DGLUCY: variants seen among roughly 807,000 people sequenced by gnomAD.
DGLUCY encodes the protein D-glutamate cyclase.
A neutral mutation model predicts 58.5 loss-of-function variants in DGLUCY; 58 were observed. The observed-to-expected ratio is 0.99, with a 90% CI of 0.80 to 1.23. The LOEUF (loss-of-function observed/expected upper bound fraction) is 1.23, where lower values mean the gene tolerates loss of function less well. Among genes scored for constraint, DGLUCY ranks in the 50% most tolerant of loss-of-function variants. The pLI is 0.00. For missense variants in DGLUCY, 779 were observed against 784.7 expected (o/e 0.99, Z 0.09); for synonymous variants, 325 against 314.1 (o/e 1.03, Z -0.37).
At chr14:91,061,150 A>C (rs578210488) in intron 1 of DGLUCY, among the ~76,000 whole-genome samples, 1 of 152,298 alleles carries the variant, frequency 6.6e-6, no homozygotes, top group Non-Finnish European at 1.5e-5. Flanking sequence ...ACGTGTTTGC[A>C]GACAAACCTA....
chr14:91,120,241 T>C (rs183975506), intron 1 of DGLUCY, among the ~76,000 whole-genome samples: 2 of 152,278 alleles, frequency 1.3e-5, no homozygotes, highest in Admixed American at 6.5e-5. Flanking sequence ...CTTCTGGTGC[T>C]GAATGTCCAC....
chr14:91,093,769 C>T (rs1275016160), intron 1 of DGLUCY, among the ~76,000 whole-genome samples: 1 of 151,658 alleles, frequency 6.6e-6, no homozygotes, highest in Non-Finnish European at 1.5e-5. Flanking sequence ...GGAGCCACTG[C>T]ACTCTAGCCT....
rs748707396 is a variant in DGLUCY at position 91,181,264 on chromosome 14, G to A, written c.809G>A (p.Cys270Tyr). 6.2e-7 allele frequency: 1 copy of A among 1,614,160 alleles called. No homozygotes were observed. Among genetic ancestry groups the A allele is most frequent in the East Asian group, 2.2e-5 (1 of 44,886 alleles). ...DLKDAKAPPG[C>Y]LTPERIPEVH... ...AAGGATGCAAAGGCTCCACCTGGTT[G>A]TCTCACCCCAGAGAGAATTCCAGAG... Residue 270 changes from cysteine (C) to tyrosine (Y), a missense_variant, in exon 8 of 14, where the codon TGT becomes TAT. Physicochemically the swap from Cys to Tyr is radical, Grantham distance 194. Coordinates refer to ENST00000256324, the MANE Select transcript of DGLUCY (RefSeq NM_001102368.3).
At chr14:91,193,052 G>A (rs2049995703) in intron 9 of DGLUCY, among the ~76,000 whole-genome samples, 1 of 152,116 alleles carries the variant, frequency 6.6e-6, no homozygotes, top group South Asian at 2.1e-4. Flanking sequence ...GAGCACTGTG[G>A]AAATAAATGG....
chr14:91,165,108 C>G, intron 3 of DGLUCY: 1 of 362,622 alleles, frequency 2.8e-6, no homozygotes, highest in Non-Finnish European at 5.5e-6. Flanking sequence ...CTTTCACTCA[C>G]TGACTTTATA....
At chr14:91,061,480 T>C (rs986461590) in intron 1 of DGLUCY, among the ~76,000 whole-genome samples, 7 of 152,198 alleles carry the variant, frequency 4.6e-5, no homozygotes, top group African/African-American at 1.7e-4. Flanking sequence ...ACAAAAGAAC[T>C]ATAAAGCAGA....
At chr14:91,061,495 G>C (rs1200215971) in intron 1 of DGLUCY, among the ~76,000 whole-genome samples, 1 of 152,208 alleles carries the variant, frequency 6.6e-6, no homozygotes, top group East Asian at 1.9e-4. Context: ...AGCAGAATTT[G>C]AAATAAAGCA....
chr14:91,196,578 C>T (rs1020153957), intron 10 of DGLUCY, 104 bp downstream of exon 10: 12 of 924,212 alleles, frequency 1.3e-5, no homozygotes, highest in African/African-American at 5.0e-5. Flanking sequence ...TCAGAGGGAG[C>T]GAAGCCATGA....
At chr14:91,074,457 G>C (rs1367274223) in intron 1 of DGLUCY, among the ~76,000 whole-genome samples, 1 of 151,446 alleles carries the variant, frequency 6.6e-6, no homozygotes, top group Non-Finnish European at 1.5e-5. Context: ...CTCTAGCCTG[G>C]GTGACAGAGT....
At chr14:91,181,568 C>T (rs2049168156) in intron 8 of DGLUCY, among the ~76,000 whole-genome samples, 179 bp downstream of exon 8, 1 of 152,200 alleles carries the variant, frequency 6.6e-6, no homozygotes, top group South Asian at 2.1e-4. Flanking sequence ...CACCAAAATA[C>T]TGACATTGAT....
chr14:91,115,199 G>A (rs564071230), intron 1 of DGLUCY: 2 of 152,644 alleles, frequency 1.3e-5, no homozygotes, highest in African/African-American at 4.8e-5. Context: ...CGCAGGGGAC[G>A]AGAGCTGCTT....
intron 3 of DGLUCY, among the ~76,000 whole-genome samples, chr14:91,164,018 C>T (rs1414779110): frequency 2.0e-5 from 3 of 152,084 alleles, no homozygotes; most frequent in Admixed American, 1.3e-4. Context: ...GGCGCGATCT[C>T]GGCTCACTGC....
At chr14:91,120,237 G>A (rs1402739981) in intron 1 of DGLUCY, among the ~76,000 whole-genome samples, 1 of 152,020 alleles carries the variant, frequency 6.6e-6, no homozygotes, top group Non-Finnish European at 1.5e-5. Context: ...CTGACTTCTG[G>A]TGCTGAATGT....
At chr14:91,149,284 A>T (rs1039135356) in intron 1 of DGLUCY, among the ~76,000 whole-genome samples, 3 of 152,026 alleles carry the variant, frequency 2.0e-5, no homozygotes, top group African/African-American at 7.2e-5. Context: ...AAAGAAAGAA[A>T]CTGAGGCCCA....
At chr14:91,174,673 A>C (rs1261597947) in intron 6 of DGLUCY, among the ~76,000 whole-genome samples, 1 of 152,228 alleles carries the variant, frequency 6.6e-6, no homozygotes, top group Non-Finnish European at 1.5e-5. Flanking sequence ...GAGCTGCTCC[A>C]GGAAATTAAT....
At chr14:91,102,413 C>A (rs564636314) in intron 1 of DGLUCY, among the ~76,000 whole-genome samples, 3 of 152,088 alleles carry the variant, frequency 2.0e-5, no homozygotes, top group Non-Finnish European at 4.4e-5. Flanking sequence ...ACAAGCAGAT[C>A]ATAATGTCTA....
At chr14:91,203,851 A>T (rs2140623182) in intron 11 of DGLUCY, among the ~76,000 whole-genome samples, 1 of 152,018 alleles carries the variant, frequency 6.6e-6, no homozygotes, top group African/African-American at 2.4e-5. Flanking sequence ...TAATTTTTGT[A>T]TTTTTAGTAG....
At position 91,213,691 on chromosome 14, in the gene DGLUCY, A is replaced by ATTGTTTGTTTGTTTGTTTGT. The variant is rs60700798; in HGVS notation, c.1565-1704_1565-1685dup. Among the ~76,000 whole-genome samples, 1,191 of 150,200 alleles carry ATTGTTTGTTTGTTTGTTTGT rather than the reference A, an allele frequency of 7.9e-3. 14 individuals carry two copies. Among genetic ancestry groups the ATTGTTTGTTTGTTTGTTTGT allele is most frequent in the South Asian group, 0.049 (231 of 4,676 alleles). ...CCACATGCCTTTGTATTCACTGAAGATTGTTTGTTTGTTTGTTTGTTTGTT... is the reference window on the plus strand; with the variant it reads ...CCACATGCCTTTGTATTCACTGAAGATTGTTTGTTTGTTTGTTTGTTTGTTTGTTTGTTTGTTTGTTTGTT... On this transcript the variant is annotated intron_variant, in intron 12 of 13. Transcript: ENST00000256324.
chr14:91,159,215 G>C (rs913868623), intron 2 of DGLUCY, among the ~76,000 whole-genome samples: 8 of 151,974 alleles, frequency 5.3e-5, no homozygotes, highest in African/African-American at 1.9e-4. Flanking sequence ...GAGAAGCCAA[G>C]GTGGGCTGAT....
Sources: allele counts gnomAD v4.1 joint callset (sites outside exome capture counted in the v4.1 genomes callset), GRCh38; gene constraint gnomAD v4.1.1; transcripts MANE v1.5; gene names NCBI Gene and HGNC (gene_info 2026-07-23, HGNC 2026-07-21).